The following GRIK4 variants were observed in gnomAD, a reference collection of about 807,000 sequenced individuals.
The protein encoded by GRIK4 is glutamate ionotropic receptor kainate type subunit 4, also known as glutamate receptor ionotropic, kainate 4.
GRIK4 carries 40 observed loss-of-function variants against 104.9 expected under a neutral mutation model. The observed-to-expected ratio is 0.38, with a 90% CI of 0.30 to 0.50. The LOEUF (loss-of-function observed/expected upper bound fraction) is 0.50. Ranked by LOEUF, GRIK4 falls within the 20% of genes least tolerant of loss-of-function variation. GRIK4 has a pLI of 0.93. For synonymous variants in GRIK4, 485 were observed against 524.9 expected (o/e 0.92, Z 1.04); for missense variants, 1,047 against 1,308.1 (o/e 0.80, Z 3.08).
At chr11:120,561,402 TC>T (rs1286475460) in intron 1 of GRIK4, among the ~76,000 whole-genome samples, 1 of 152,152 alleles carries the variant, frequency 6.6e-6, no homozygotes, top group Admixed American at 6.5e-5. Flanking sequence ...TCGCCTCTCT[TC>T]CTGCACGCTC....
At chr11:120,830,516 G>A (rs1953396691) in intron 6 of GRIK4, among the ~76,000 whole-genome samples, 1 of 152,140 alleles carries the variant, frequency 6.6e-6, no homozygotes, top group Non-Finnish European at 1.5e-5. Flanking sequence ...CGGGGTTGTA[G>A]TCAAGCCATC....
At chr11:120,685,059 T>TGG (rs1950255202) in intron 3 of GRIK4, among the ~76,000 whole-genome samples, 1 of 152,140 alleles carries the variant, frequency 6.6e-6, no homozygotes, top group Non-Finnish European at 1.5e-5. Context: ...TCTGAGTCAG[T>TGG]ACTTCTGTGG....
rs375297980 is a variant in GRIK4 at position 120,802,739 on chromosome 11, C to T, written c.129C>T (p.Leu43=). 73 of 1,614,056 alleles carry T rather than the reference C, an allele frequency of 4.5e-5. No individual in the cohort carries two copies. The highest frequency in any genetic ancestry group is 1.6e-4 in the Middle Eastern group (1 of 6,072). ...DPMECSRGER[L]SITLAKNRIN... is the part of the protein sequence containing the mutation. Reference sequence around the variant, plus strand: ...TGGAGTGCAGCAGAGGGGAGCGGCTCTCCATCACCCTGGCCAAGAACCGCA... The same window carrying T: ...TGGAGTGCAGCAGAGGGGAGCGGCTTTCCATCACCCTGGCCAAGAACCGCA... Residue 43 remains leucine, a synonymous_variant, in exon 4 of 21, where the codon CTC becomes CTT. Coordinates refer to ENST00000527524, the MANE Select transcript of GRIK4 (RefSeq NM_014619.5).
At chr11:120,706,565 T>A (rs2135344519) in intron 3 of GRIK4, among the ~76,000 whole-genome samples, 1 of 152,192 alleles carries the variant, frequency 6.6e-6, no homozygotes, top group Middle Eastern at 3.4e-3. Flanking sequence ...TGAGGGGCTG[T>A]TGGTGGGTGG....
intron 1 of GRIK4, among the ~76,000 whole-genome samples, chr11:120,644,480 T>C (rs1261090634): frequency 6.6e-6 from 1 of 152,196 alleles, no homozygotes; most frequent in Non-Finnish European, 1.5e-5. Context: ...CAGCTGAGGC[T>C]CAGAGGTTAA....
At chr11:120,958,855 G>A (rs1374136328) in intron 16 of GRIK4, among the ~76,000 whole-genome samples, 1 of 152,146 alleles carries the variant, frequency 6.6e-6, no homozygotes, top group Non-Finnish European at 1.5e-5. Flanking sequence ...GCAGAGTGCT[G>A]GCTTCCTCCT....
chr11:120,979,040 G>A (rs1046729162), intron 19 of GRIK4, among the ~76,000 whole-genome samples: 3 of 152,202 alleles, frequency 2.0e-5, no homozygotes, highest in Non-Finnish European at 4.4e-5. Context: ...AAGAACAAAA[G>A]TGTATTCAAA....
At chr11:120,908,444 CACACACACACACACACAG>C (rs1246227689) in intron 13 of GRIK4, among the ~76,000 whole-genome samples, 3 of 151,924 alleles carry the variant, frequency 2.0e-5, no homozygotes, top group African/African-American at 7.3e-5. Flanking sequence ...CACATACACA[CACACACACACACACACAG>C]AGAGATTGAG....
At chr11:120,815,292 G>A (rs187805032) in intron 4 of GRIK4, 86 bp from the exon 5 acceptor site, 35 of 738,752 alleles carry the variant, frequency 4.7e-5, no homozygotes, top group African/African-American at 4.1e-4. Context: ...AGGGGGCAGC[G>A]GGTGAAGAGG....
intron 5 of GRIK4, among the ~76,000 whole-genome samples, chr11:120,818,302 C>T (rs1357144440): frequency 2.6e-5 from 4 of 152,206 alleles, no homozygotes; most frequent in Admixed American, 6.5e-5. Context: ...CTGCCCCTGT[C>T]GGGCCTTCCC....
At chr11:120,708,561 C>T (rs1190209382) in intron 3 of GRIK4, among the ~76,000 whole-genome samples, 1 of 152,070 alleles carries the variant, frequency 6.6e-6, no homozygotes, top group African/African-American at 2.4e-5. Flanking sequence ...CATCTCTGGG[C>T]CTTGGAACAG....
At chr11:120,534,047 G>A (rs1415981446) in intron 1 of GRIK4, among the ~76,000 whole-genome samples, 1 of 152,184 alleles carries the variant, frequency 6.6e-6, no homozygotes, top group African/African-American at 2.4e-5. Flanking sequence ...AGGCACGAAG[G>A]CACCTGCTGA....
In GRIK4 at chr11:120,962,699, A is replaced by G. The variant is rs201429556; in HGVS notation, c.2266+18A>G. The G allele has an allele frequency of 2.3e-4, 361 of 1,557,782 alleles. 1 individual carries two copies. The African/African-American group carries it at 4.6e-3, about 20-fold the overall frequency. On this transcript the variant is annotated intron_variant, in intron 18 of 20. Transcript: ENST00000527524. The stretch of plus-strand genomic sequence containing the variant: ...GCCAGTCGGTATGCGGGAGAGGAAC[A>G]GCCTCTTTGGGTAGCTTTGTCCAGA...
intron 6 of GRIK4, among the ~76,000 whole-genome samples, chr11:120,828,050 G>T (rs1953313397): frequency 6.6e-6 from 1 of 152,138 alleles, no homozygotes; most frequent in South Asian, 2.1e-4. Flanking sequence ...CAAGTCAGCT[G>T]CTCCTCAAGT....
At chr11:120,678,083 G>A (rs1281714933) in intron 3 of GRIK4, among the ~76,000 whole-genome samples, 3 of 152,284 alleles carry the variant, frequency 2.0e-5, no homozygotes, top group East Asian at 3.9e-4. Context: ...CCTCCCTGCT[G>A]TGCTCCCCTC....
chr11:120,899,191 A>T (rs1285834354), intron 12 of GRIK4, among the ~76,000 whole-genome samples: 1 of 151,946 alleles, frequency 6.6e-6, no homozygotes, highest in Non-Finnish European at 1.5e-5. Context: ...CTGAAGTGGG[A>T]AGATCACTTG....
chr11:120,772,473 C>G (rs778236659), intron 3 of GRIK4, among the ~76,000 whole-genome samples: 1 of 152,160 alleles, frequency 6.6e-6, no homozygotes, highest in Non-Finnish European at 1.5e-5. Flanking sequence ...AAGAGGAGAA[C>G]TACTGTATAT....
chr11:120,643,554 G>A (rs143896699), intron 1 of GRIK4, among the ~76,000 whole-genome samples: 9 of 152,250 alleles, frequency 5.9e-5, no homozygotes, highest in African/African-American at 2.2e-4. Context: ...CCTGTGACTT[G>A]TCTGAACAGT....
At chr11:120,876,357 C>CACCA (rs1592023195) in intron 11 of GRIK4, among the ~76,000 whole-genome samples, 1 of 1,238 alleles carries the variant, frequency 8.1e-4, no homozygotes, top group Non-Finnish European at 1.8e-3. Flanking sequence ...CACCACCACC[C>CACCA]TCATCACTAC....
Sources: allele counts gnomAD v4.1 joint callset (sites outside exome capture counted in the v4.1 genomes callset), GRCh38; gene constraint gnomAD v4.1.1; transcripts MANE v1.5; gene names NCBI Gene and HGNC (gene_info 2026-07-23, HGNC 2026-07-21).